Variants in KCND2 observed in about 807,000 individuals in gnomAD.
KCND2 encodes the protein potassium voltage-gated channel subfamily D member 2, also known as A-type voltage-gated potassium channel KCND2.
Under a neutral mutation model 54.4 loss-of-function variants are expected in KCND2, and 16 were observed. The observed-to-expected ratio is 0.29, with a 90% CI of 0.20 to 0.45. The LOEUF (loss-of-function observed/expected upper bound fraction) is 0.45. KCND2 is among the 20% of genes least tolerant of loss of function. KCND2 has a pLI of 1.00. For synonymous variants in KCND2, 317 were observed against 310.7 expected (o/e 1.02, Z -0.21); for missense variants, 486 against 824.2 (o/e 0.59, Z 5.02).
intron 1 of KCND2, among the ~76,000 whole-genome samples, chr7:120,526,768 T>C (rs1791781779): frequency 6.6e-6 from 1 of 152,176 alleles, no homozygotes; most frequent in Non-Finnish European, 1.5e-5. Context: ...TTAAATGCTA[T>C]GATACTCACA....
At chr7:120,548,913 TGACCAAA>T (rs1792074552) in intron 1 of KCND2, among the ~76,000 whole-genome samples, 1 of 152,164 alleles carries the variant, frequency 6.6e-6, no homozygotes, top group Admixed American at 6.6e-5. Flanking sequence ...ACTTTGGGAC[TGACCAAA>T]GAGAGGTGCA....
intron 1 of KCND2, among the ~76,000 whole-genome samples, chr7:120,580,892 T>C (rs930586015): frequency 3.9e-5 from 6 of 152,202 alleles, no homozygotes; most frequent in Non-Finnish European, 8.8e-5. Flanking sequence ...AAAGGCCAAA[T>C]TACCTTAGTG....
intron 1 of KCND2, among the ~76,000 whole-genome samples, chr7:120,440,983 A>G (rs1229554566): frequency 6.6e-6 from 1 of 152,034 alleles, no homozygotes; most frequent in African/African-American, 2.4e-5. Context: ...CTGTTGATTC[A>G]TCTTCTAATA....
At chr7:120,439,544 T>C (rs1801919473) in intron 1 of KCND2, among the ~76,000 whole-genome samples, 1 of 152,038 alleles carries the variant, frequency 6.6e-6, no homozygotes, top group African/African-American at 2.4e-5. Flanking sequence ...TATCTGAAAA[T>C]ATACAATAAA....
chr7:120,379,664 A>C (rs1800887561), intron 1 of KCND2, among the ~76,000 whole-genome samples: 1 of 151,942 alleles, frequency 6.6e-6, no homozygotes, highest in African/African-American at 2.4e-5. Flanking sequence ...GTTTACAAAG[A>C]TCTTGAGTTA....
intron 5 of KCND2, chr7:120,746,718 A>G (rs937926133): frequency 1.3e-5 from 2 of 152,388 alleles, no homozygotes; most frequent in Non-Finnish European, 2.9e-5. Context: ...TAAACAATAT[A>G]TGTCATTAAA....
chr7:120,349,974 T>C (rs1800378023), intron 1 of KCND2, among the ~76,000 whole-genome samples: 1 of 152,050 alleles, frequency 6.6e-6, no homozygotes, highest in East Asian at 1.9e-4. Context: ...ATTTTTGATA[T>C]GTATATATAC....
intron 1 of KCND2, among the ~76,000 whole-genome samples, chr7:120,280,632 T>G (rs1188745737): frequency 6.6e-6 from 1 of 152,048 alleles, no homozygotes; most frequent in African/African-American, 2.4e-5. Context: ...TTACCTGATC[T>G]CTACATTCCT....
At chr7:120,365,633 A>G (rs1484790123) in intron 1 of KCND2, among the ~76,000 whole-genome samples, 1 of 152,166 alleles carries the variant, frequency 6.6e-6, no homozygotes, top group East Asian at 1.9e-4. Context: ...TGGGGAATGA[A>G]TGCAGAAATA....
intron 1 of KCND2, among the ~76,000 whole-genome samples, chr7:120,562,113 T>C (rs1792243320): frequency 6.6e-6 from 1 of 152,174 alleles, no homozygotes; most frequent in Non-Finnish European, 1.5e-5. Context: ...CAGACATCTC[T>C]TTGAAAGTTA....
intron 1 of KCND2, among the ~76,000 whole-genome samples, chr7:120,585,344 A>T (rs1189041119): frequency 6.6e-6 from 1 of 152,180 alleles, no homozygotes; most frequent in Non-Finnish European, 1.5e-5. Context: ...GAGATAGTGA[A>T]GGTAAAGAAA....
At chr7:120,554,627 G>C (rs889815465) in intron 1 of KCND2, among the ~76,000 whole-genome samples, 1 of 151,866 alleles carries the variant, frequency 6.6e-6, no homozygotes, top group Non-Finnish European at 1.5e-5. Context: ...CCAGGATGGT[G>C]TCGATCTCCT....
chr7:120,513,119 TGTGAA>T (rs970668011), intron 1 of KCND2, among the ~76,000 whole-genome samples: 4 of 152,062 alleles, frequency 2.6e-5, no homozygotes, highest in African/African-American at 9.7e-5. Context: ...TTTCTTCACA[TGTGAA>T]GTGAATAATG....
At position 120,633,082 on chromosome 7, in the gene KCND2, C is replaced by G. The variant is rs563060433; in HGVS notation, c.1116-99821C>G. On this transcript the variant is annotated intron_variant, in intron 1 of 5. Transcript: ENST00000331113. The stretch of plus-strand genomic sequence containing the variant: ...TCACACACGTAAAGCCCTGAATTAT[C>G]GCCATTTCAAATATTGAGAGAAATG... 7.2e-4 allele frequency among the ~76,000 whole-genome samples: 109 copies of G among 152,314 alleles called. 2 individuals carry two copies. The highest frequency in any genetic ancestry group is 2.5e-3 in the African/African-American group (102 of 41,560).
intron 1 of KCND2, among the ~76,000 whole-genome samples, chr7:120,538,505 G>A (rs1791939529): frequency 6.6e-6 from 1 of 152,180 alleles, no homozygotes; most frequent in African/African-American, 2.4e-5. Context: ...GTCATGGTGG[G>A]GCAGGAGGGC....
At chr7:120,285,143 G>T (rs1799321787) in intron 1 of KCND2, among the ~76,000 whole-genome samples, 1 of 151,926 alleles carries the variant, frequency 6.6e-6, no homozygotes, top group African/African-American at 2.4e-5. Context: ...TTTGTCATTG[G>T]GTTCCTTTTA....
chr7:120,563,948 C>T (rs1323255431), intron 1 of KCND2, among the ~76,000 whole-genome samples: 1 of 152,150 alleles, frequency 6.6e-6, no homozygotes, highest in East Asian at 1.9e-4. Context: ...GAAATTGCCT[C>T]TTTACATATA....
intron 1 of KCND2, among the ~76,000 whole-genome samples, chr7:120,351,402 A>ACT (rs1319611008): frequency 1.0e-4 from 14 of 138,778 alleles, no homozygotes; most frequent in African/African-American, 3.6e-4. Flanking sequence ...ACACACACAC[A>ACT]CACACACACA....
At chr7:120,511,755 G>A (rs757287250) in intron 1 of KCND2, among the ~76,000 whole-genome samples, 3 of 151,958 alleles carry the variant, frequency 2.0e-5, no homozygotes, top group Non-Finnish European at 2.9e-5. Context: ...TCCCTATCTC[G>A]CAGATTTTAA....
Sources: allele counts gnomAD v4.1 joint callset (sites outside exome capture counted in the v4.1 genomes callset), GRCh38; gene constraint gnomAD v4.1.1; transcripts MANE v1.5; gene names NCBI Gene and HGNC (gene_info 2026-07-23, HGNC 2026-07-21).